The following ITGA3 variants were observed in gnomAD, a reference collection of about 807,000 sequenced individuals.
ITGA3 encodes the protein integrin alpha-3.
In ITGA3, 70 loss-of-function variants were observed where a neutral mutation model predicts 131.1. The observed-to-expected ratio is 0.53, with a 90% CI of 0.44 to 0.65. ITGA3 has a LOEUF of 0.65. Among genes scored for constraint, ITGA3 ranks in the 30% least tolerant of loss-of-function variants. The pLI, the probability that ITGA3 is intolerant of heterozygous loss-of-function variation, is 0.00. For synonymous variants in ITGA3, 537 were observed against 571.6 expected (o/e 0.94, Z 0.86); for missense variants, 1,098 against 1,388.6 (o/e 0.79, Z 3.33).
In ITGA3 at chr17:50,072,054, A is replaced by G. The variant is rs560139902; in HGVS notation, c.1028A>G (p.Tyr343Cys). 1.9e-6 allele frequency: 3 copies of G among 1,613,974 alleles called. No individual in the cohort carries two copies. The African/African-American group carries it at 4.0e-5, about 22-fold the overall frequency. Residue 343 changes from tyrosine (Y) to cysteine (C), a missense_variant, in exon 7 of 26, where the codon TAT becomes TGT. Coordinates refer to ENST00000320031, the MANE Select transcript of ITGA3 (RefSeq NM_002204.4). ...ERKEEVGGAI[Y>C]VFMNQAGTSF... ...AAAGAGGAAGTAGGGGGTGCCATCT[A>G]TGTCTTCATGAACCAGGCGGGAACC...
chr17:50,061,165 G>A (rs1390599710), intron 1 of ITGA3, among the ~76,000 whole-genome samples: 1 of 152,188 alleles, frequency 6.6e-6, no homozygotes, highest in Non-Finnish European at 1.5e-5. Flanking sequence ...GAATCTCTGA[G>A]GAGGGAGGGG....
chr17:50,063,049 G>A (rs924516208), intron 1 of ITGA3, among the ~76,000 whole-genome samples: 1 of 152,180 alleles, frequency 6.6e-6, no homozygotes, highest in South Asian at 2.1e-4. Context: ...AAAGATCCCC[G>A]GGGTTTCTGA....
Position 50,089,262 on chromosome 17 carries a change from C to A in ITGA3, c.*184C>A, listed in dbSNP as rs745628533. 3 of 1,612,876 alleles carry A rather than the reference C, an allele frequency of 1.9e-6. No individual in the cohort carries two copies. The highest frequency in any genetic ancestry group is 2.5e-6 in the Non-Finnish European group (3 of 1,179,552). ...GCTGGCAGACTCGGGACCAATACTA[C>A]TGACGTCCTCCCTGATCCCACCCCC... On this transcript the variant is annotated 3_prime_UTR_variant, in exon 26 of 26. Coordinates refer to ENST00000320031, the MANE Select transcript of ITGA3 (RefSeq NM_002204.4).
In ITGA3 at chr17:50,081,487, C is replaced by T. The variant is rs558960650; in HGVS notation, c.2919+79C>T. ...AGGGCATCTTTTAAGAGGACACTGA[C>T]GCACTTCAGCCATATGGTTCTCAAT... On this transcript the variant is annotated intron_variant, in intron 23 of 25. Coordinates refer to ENST00000320031, the MANE Select transcript of ITGA3 (RefSeq NM_002204.4). 4.0e-4 allele frequency: 412 copies of T among 1,017,682 alleles called. 2 individuals are homozygous for T. Among genetic ancestry groups the T allele is most frequent in the South Asian group, 7.5e-4 (53 of 70,708 alleles). 63.0% of individuals were successfully genotyped at this position (1,017,682 alleles called of 1,614,324 possible).
chr17:50,085,837 C>T (rs1427431037), intron 23 of ITGA3, among the ~76,000 whole-genome samples: 2 of 113,228 alleles, frequency 1.8e-5, no homozygotes, highest in Non-Finnish European at 3.8e-5. Context: ...TTAGATTATA[C>T]ATTATAGATT....
At chr17:50,080,446 T>A in intron 22 of ITGA3, 71 bp downstream of exon 22, 2 of 809,842 alleles carry the variant, frequency 2.5e-6, no homozygotes, top group Non-Finnish European at 2.0e-6. Context: ...AGAGGGCGAG[T>A]CCAGGGTCAT....
At chr17:50,073,790 C>G in intron 7 of ITGA3, 126 bp from the exon 8 acceptor site, 1 of 708,928 alleles carries the variant, frequency 1.4e-6, no homozygotes, top group South Asian at 1.6e-5. Context: ...CCCTGATGCT[C>G]TGAGCCCTGC....
rs764784003 is a variant in ITGA3 at position 50,090,327 on chromosome 17, C to G, written c.*1249C>G. 3.1e-5 allele frequency: 14 copies of G among 447,482 alleles called. No homozygotes were observed. The highest frequency in any genetic ancestry group is 2.2e-4 in the South Asian group (14 of 64,298). The allele number at this position is 447,482 out of a possible 1,614,324, so 27.7% of individuals were successfully genotyped here. A position where few individuals can be genotyped will look rare whatever the true frequency, so the allele number is the denominator to read the frequency against. On this transcript the variant is annotated 3_prime_UTR_variant, in exon 26 of 26. Transcript: ENST00000320031. ...CCCATTTGAGAAGCTGAGGCTAGTTCCAGAAAACCTCTCCTGACCCCTGCC... is the reference window on the plus strand; with the variant it reads ...CCCATTTGAGAAGCTGAGGCTAGTTGCAGAAAACCTCTCCTGACCCCTGCC...
chr17:50,088,327 GACT>G lies in ITGA3; in HGVS notation c.3152_3154del (p.Tyr1051del), dbSNP rs1567707256. 1 of 1,573,028 alleles carries G rather than the reference GACT, an allele frequency of 6.4e-7. No individual in the cohort carries two copies. ...GTCAGAGACAGAGAGGCTGACCGAC[GACT>G]ACTGAGGGGGCAGCCCCCCGCCCCC... On this transcript the variant is annotated inframe_deletion, in exon 25 of 26. Transcript: ENST00000320031.
chr17:50,069,514 A>C (rs1048803259), intron 4 of ITGA3, among the ~76,000 whole-genome samples: 1 of 151,942 alleles, frequency 6.6e-6, no homozygotes, highest in Non-Finnish European at 1.5e-5. Flanking sequence ...AAAAATTTAA[A>C]AATTAGCCAG....
At chr17:50,078,752 T>C (rs550369087) in intron 18 of ITGA3, 72 bp from the exon 19 acceptor site, 32 of 843,308 alleles carry the variant, frequency 3.8e-5, no homozygotes, top group African/African-American at 2.9e-4. Flanking sequence ...TAGCCAGCTT[T>C]GGTGCCCACC....
chr17:50,073,894 T>A (rs1005159439), intron 7 of ITGA3, 22 bp from the exon 8 acceptor site: 13 of 1,599,306 alleles, frequency 8.1e-6, no homozygotes, highest in Admixed American at 3.3e-5. Flanking sequence ...TGGGTGACCC[T>A]GTCTTGCCTT....
intron 25 of ITGA3, 46 bp downstream of exon 25, chr17:50,088,412 G>T (rs1022048222): frequency 6.6e-6 from 7 of 1,060,288 alleles, no homozygotes; most frequent in Non-Finnish European, 9.9e-6. Context: ...ACAGCTGGCC[G>T]GGCCTCTGAC....
Position 50,089,412 on chromosome 17 carries a change from A to T in ITGA3, c.*334A>T. 3.1e-6 allele frequency: 2 copies of T among 655,004 alleles called. No homozygotes were observed. Among genetic ancestry groups the T allele is most frequent in the South Asian group, 3.6e-5 (2 of 56,016 alleles). 40.6% of individuals were successfully genotyped at this position (655,004 alleles called of 1,614,324 possible). On this transcript the variant is annotated 3_prime_UTR_variant, in exon 26 of 26. Transcript: ENST00000320031. ...CATACACCTCGTCAAGAGCATGCAC[A>T]TGCTGTCTGGCCCTGGGGATCTTCC...
At chr17:50,059,700 C>T (rs567757106) in intron 1 of ITGA3, among the ~76,000 whole-genome samples, 3 of 152,196 alleles carry the variant, frequency 2.0e-5, no homozygotes, top group Admixed American at 6.5e-5. Context: ...AAAGCAGCAG[C>T]GAAGGGGGCT....
Position 50,064,753 on chromosome 17 carries a change from G to A in ITGA3, c.414+146G>A. ...CACATGTCCCTTCCTGTGGCTGTGTGTCCCTCGCTCTCTGCACTCCTGGGG... is the reference window on the plus strand; with the variant it reads ...CACATGTCCCTTCCTGTGGCTGTGTATCCCTCGCTCTCTGCACTCCTGGGG... On this transcript the variant is annotated intron_variant, in intron 3 of 25. Coordinates refer to ENST00000320031, the MANE Select transcript of ITGA3 (RefSeq NM_002204.4). The surrounding 1 kb of genome is among the most constrained non-coding windows in gnomAD (Gnocchi z 4.4). 1 of 622,440 alleles carries A rather than the reference G, an allele frequency of 1.6e-6. No individual in the cohort carries two copies. Among genetic ancestry groups the A allele is most frequent in the Non-Finnish European group, 2.8e-6 (1 of 359,280 alleles). 38.6% of individuals were successfully genotyped at this position (622,440 alleles called of 1,614,324 possible).
chr17:50,074,074 C>G (rs1443904658), intron 8 of ITGA3, 70 bp downstream of exon 8: 3 of 1,549,734 alleles, frequency 1.9e-6, no homozygotes, highest in Non-Finnish European at 2.7e-6. Context: ...TTCCTTCACC[C>G]AACCCTTCCC....
intron 8 of ITGA3, 67 bp downstream of exon 8, chr17:50,074,071 A>T: frequency 6.4e-7 from 1 of 1,553,060 alleles, no homozygotes; most frequent in Non-Finnish European, 8.9e-7. Context: ...GCTTTCCTTC[A>T]CCCAACCCTT....
chr17:50,065,424 A>T (rs1216982410), intron 3 of ITGA3: 1 of 152,248 alleles, frequency 6.6e-6, no homozygotes, highest in African/African-American at 2.4e-5. Context: ...ATTAGCTCTG[A>T]CTATTTCAGG....
Sources: allele counts gnomAD v4.1 joint callset (sites outside exome capture counted in the v4.1 genomes callset), GRCh38; gene constraint gnomAD v4.1.1; non-coding constraint Gnocchi (gnomAD v3.1); transcripts MANE v1.5; gene names NCBI Gene and HGNC (gene_info 2026-07-23, HGNC 2026-07-21).